The following RFX3 variants were observed in gnomAD, a reference collection of about 807,000 sequenced individuals.
RFX3 encodes regulatory factor X3, also known as transcription factor RFX3.
RFX3 carries 14 observed loss-of-function variants against 98.6 expected under a neutral mutation model. The ratio of observed to expected loss-of-function variants is 0.14; its 90% CI spans 0.09 to 0.22. The LOEUF (loss-of-function observed/expected upper bound fraction) is 0.22, where lower values mean the gene tolerates loss of function less well. Ranked by LOEUF, RFX3 falls within the 10% of genes least tolerant of loss-of-function variation. The pLI is 1.00. For synonymous variants in RFX3, 383 were observed against 328.4 expected (o/e 1.17, Z -1.80); for missense variants, 639 against 926.9 (o/e 0.69, Z 4.03).
chr9:3,378,422 T>G (rs912275525), intron 2 of RFX3, among the ~76,000 whole-genome samples: 2 of 152,156 alleles, frequency 1.3e-5, no homozygotes, highest in Admixed American at 1.3e-4. Context: ...AGTTGCATTT[T>G]TCGCCCCTCA....
intron 4 of RFX3, among the ~76,000 whole-genome samples, chr9:3,308,463 G>A (rs1031829392): frequency 3.9e-5 from 6 of 152,134 alleles, no homozygotes; most frequent in African/African-American, 1.4e-4. Context: ...GATAAAAGAC[G>A]ATGAAAAGTT....
intron 16 of RFX3, among the ~76,000 whole-genome samples, chr9:3,225,486 G>C (rs1817658468): frequency 6.6e-6 from 1 of 151,916 alleles, no homozygotes; most frequent in African/African-American, 2.4e-5. Flanking sequence ...TTCAAACATA[G>C]TGAGATTAAT....
chr9:3,398,760 T>G (rs1841161827), intron 1 of RFX3, among the ~76,000 whole-genome samples: 1 of 152,142 alleles, frequency 6.6e-6, no homozygotes, highest in Non-Finnish European at 1.5e-5. Flanking sequence ...ATACTTTTTT[T>G]GGTCTATGAC....
At chr9:3,427,022 G>A (rs972640568) in intron 1 of RFX3, among the ~76,000 whole-genome samples, 10 of 151,642 alleles carry the variant, frequency 6.6e-5, no homozygotes, top group South Asian at 4.2e-4. Context: ...TTTCTAACCC[G>A]TTTACTCATT....
intron 4 of RFX3, chr9:3,324,244 G>GT (rs1408533408): frequency 4.9e-6 from 1 of 203,400 alleles, no homozygotes; most frequent in African/African-American, 2.3e-5. Context: ...AGAAATTACT[G>GT]TTTTGTCACA....
intron 1 of RFX3, among the ~76,000 whole-genome samples, chr9:3,456,659 C>A (rs549382226): frequency 5.9e-5 from 9 of 152,282 alleles, no homozygotes; most frequent in African/African-American, 1.7e-4. Context: ...TAACCTAACT[C>A]CTAATTTGGC....
At chr9:3,365,947 T>C (rs1837012112) in intron 2 of RFX3, among the ~76,000 whole-genome samples, 1 of 151,842 alleles carries the variant, frequency 6.6e-6, no homozygotes, top group African/African-American at 2.4e-5. Flanking sequence ...GTTAACTCTC[T>C]AACTTAGGAG....
rs1008989666 is a variant in RFX3, at chr9:3,218,904, C to G, written c.*6138G>C. The G allele has an allele frequency of 5.3e-5, 8 of 151,574 alleles. No individual in the cohort carries two copies. Among genetic ancestry groups the G allele is most frequent in the Non-Finnish European group, 1.0e-4 (7 of 67,926 alleles). The allele number at this position is 151,574 out of a possible 1,614,324, so 9.4% of individuals were successfully genotyped here. On this transcript the variant is annotated 3_prime_UTR_variant, in exon 17 of 17. Transcript: ENST00000617270. ...ACTAAGTGAAATTTAAATGATGGCA[C>G]TTAAAAAAAAATACAGTATCTTAAA...
intron 2 of RFX3, among the ~76,000 whole-genome samples, chr9:3,388,332 T>G (rs911471255): frequency 5.3e-5 from 8 of 152,144 alleles, no homozygotes; most frequent in Admixed American, 4.6e-4. Flanking sequence ...CTTACCTTAC[T>G]TGAAGATTGC....
At chr9:3,295,805 A>AT (rs925855597) in intron 5 of RFX3, among the ~76,000 whole-genome samples, 5 of 152,022 alleles carry the variant, frequency 3.3e-5, no homozygotes, top group African/African-American at 4.8e-5. Context: ...TTTAAAGGGC[A>AT]TTTTTTTAAA....
At chr9:3,519,775 A>C (rs773024163) in intron 1 of RFX3, among the ~76,000 whole-genome samples, 2 of 152,124 alleles carry the variant, frequency 1.3e-5, no homozygotes, top group East Asian at 3.8e-4. Context: ...TGATACTCTA[A>C]ACACGTTTCC....
intron 1 of RFX3, among the ~76,000 whole-genome samples, chr9:3,398,020 T>C (rs1841073759): frequency 6.6e-6 from 1 of 152,204 alleles, no homozygotes; most frequent in South Asian, 2.1e-4. Context: ...CTCCAGCATA[T>C]TGTGAGTATG....
rs1411782934 is a variant in RFX3, at chr9:3,228,887, A to G, written c.1971T>C (p.Phe657=). 6.2e-7 allele frequency: 1 copy of G among 1,611,004 alleles called. No homozygotes were observed. The highest frequency in any genetic ancestry group is 8.5e-7 in the Non-Finnish European group (1 of 1,178,796). ...CAGGAGACACGGCATTTAAATCACC[A>G]AACTGCAAAACAATAGTCATTTGTG... ...GETPIAVMGE[F]GDLNAVSPGN... The change falls in exon 16 of 17, where the codon TTT becomes TTC. Residue 657 remains phenylalanine (F), a splice_region_variant and synonymous_variant. Transcript: ENST00000617270.
chr9:3,318,733 C>G (rs1376183610), intron 4 of RFX3, among the ~76,000 whole-genome samples: 1 of 152,048 alleles, frequency 6.6e-6, no homozygotes, highest in Non-Finnish European at 1.5e-5. Flanking sequence ...AGTTATTATG[C>G]TTTCAACCTG....
chr9:3,226,852 A>G (rs1362556148), intron 16 of RFX3, among the ~76,000 whole-genome samples: 15 of 152,202 alleles, frequency 9.9e-5, no homozygotes, highest in Non-Finnish European at 2.9e-5. Context: ...GCAGTCTCTT[A>G]TGGTTGTGAT....
At chr9:3,380,560 G>C (rs1403007807) in intron 2 of RFX3, among the ~76,000 whole-genome samples, 6 of 152,104 alleles carry the variant, frequency 3.9e-5, no homozygotes, top group Non-Finnish European at 5.9e-5. Context: ...GCTTGTAAGT[G>C]GCAGACCTGG....
At chr9:3,516,848 T>C (rs1818227972) in intron 1 of RFX3, among the ~76,000 whole-genome samples, 2 of 152,198 alleles carry the variant, frequency 1.3e-5, no homozygotes, top group African/African-American at 4.8e-5. Context: ...GACACTTGTC[T>C]GGCACACACA....
chr9:3,287,792 G>C (rs1188039724), intron 7 of RFX3, among the ~76,000 whole-genome samples: 1 of 151,964 alleles, frequency 6.6e-6, no homozygotes, highest in African/African-American at 2.4e-5. Context: ...GAGATGTGCA[G>C]AATAGCAAGT....
chr9:3,445,203 A>ATG (rs1374824187), intron 1 of RFX3, among the ~76,000 whole-genome samples: 1 of 151,934 alleles, frequency 6.6e-6, no homozygotes, highest in Non-Finnish European at 1.5e-5. Context: ...TAGTTTTCAA[A>ATG]TGTGTATTTG....
Sources: allele counts gnomAD v4.1 joint callset (sites outside exome capture counted in the v4.1 genomes callset), GRCh38; gene constraint gnomAD v4.1.1; transcripts MANE v1.5; gene names NCBI Gene and HGNC (gene_info 2026-07-23, HGNC 2026-07-21).